Variants in PAPPA2 observed in about 807,000 individuals in gnomAD.
PAPPA2 encodes the protein pappalysin 2.
In PAPPA2, 86 loss-of-function variants were observed where a neutral mutation model predicts 176.4. The observed-to-expected ratio is 0.49, with a 90% confidence interval of 0.41 to 0.58. The LOEUF is 0.58. Among genes scored for constraint, PAPPA2 ranks in the 20% least tolerant of loss-of-function variants. PAPPA2 has a pLI of 0.00. For synonymous variants in PAPPA2, 809 were observed against 852.2 expected (o/e 0.95, Z 0.88); for missense variants, 2,073 against 2,256.9 (o/e 0.92, Z 1.65).
rs949619963 is a variant in PAPPA2, at chr1:176,844,639, G to A, written c.*2185G>A. 3.9e-5 allele frequency: 6 copies of A among 152,076 alleles called. No individual in the cohort carries two copies. Among genetic ancestry groups the A allele is most frequent in the Non-Finnish European group, 8.8e-5 (6 of 68,016 alleles). The allele number at this position is 152,076 out of a possible 1,614,324, so 9.4% of individuals were successfully genotyped here. On this transcript the variant is annotated 3_prime_UTR_variant, in exon 23 of 23. Coordinates refer to ENST00000367662, the MANE Select transcript of PAPPA2 (RefSeq NM_020318.3). ...TTGGGATTCTGATAGGCTTCAATATGCAAAGGACAATGGAAAAGTTTAGAC... is the reference window on the plus strand; with the variant it reads ...TTGGGATTCTGATAGGCTTCAATATACAAAGGACAATGGAAAAGTTTAGAC...
chr1:176,731,756 C>T lies in PAPPA2; in HGVS notation c.3799-7870C>T, dbSNP rs771783277. Among the ~76,000 whole-genome samples the T allele has an allele frequency of 3.1e-4, 46 of 149,304 alleles. No homozygotes were observed. The Middle Eastern group carries it at 0.011, about 35-fold the overall frequency. On this transcript the variant is annotated intron_variant, in intron 12 of 22. Transcript: ENST00000367662. ...ACATATACATGCGTACATATATATA[C>T]GCATACACATTGTGAAATGATTGCC... is the stretch of plus-strand genomic sequence containing the variant.
intron 4 of PAPPA2, among the ~76,000 whole-genome samples, chr1:176,672,274 G>C (rs1659052643): frequency 1.3e-5 from 2 of 151,908 alleles, no homozygotes; most frequent in Non-Finnish European, 2.9e-5. Flanking sequence ...TTTAAAATAA[G>C]TTACCAAAAT....
At chr1:176,781,026 G>T (rs1249162456) in intron 17 of PAPPA2, among the ~76,000 whole-genome samples, 2 of 152,266 alleles carry the variant, frequency 1.3e-5, no homozygotes, top group Non-Finnish European at 2.9e-5. Context: ...AGAAAAATCT[G>T]TTGGCTGCAT....
chr1:176,781,104 G>A lies in PAPPA2; in HGVS notation c.4716-8705G>A, dbSNP rs1664691090. 2.0e-5 allele frequency among the ~76,000 whole-genome samples: 3 copies of A among 152,170 alleles called. No homozygotes were observed. In the South Asian group the frequency reaches 6.2e-4, roughly 32 times the overall value. On this transcript the variant is annotated intron_variant, in intron 17 of 22. Transcript: ENST00000367662. ...GTTGAACTTGATGTGAGAGAGACGA[G>A]GAAAGGAGATGTAGATGATTAAGAC...
chr1:176,616,498 A>C, intron 3 of PAPPA2: 1 of 922,666 alleles, frequency 1.1e-6, no homozygotes, highest in Non-Finnish European at 1.7e-6. Flanking sequence ...GCAATATAAC[A>C]ACCAGGTTCT....
intron 2 of PAPPA2, among the ~76,000 whole-genome samples, chr1:176,559,053 T>C (rs1006213215): frequency 6.6e-6 from 1 of 152,278 alleles, no homozygotes; most frequent in African/African-American, 2.4e-5. Context: ...ACAGCATTTC[T>C]TGTGGCACCT....
intron 3 of PAPPA2, among the ~76,000 whole-genome samples, chr1:176,621,204 T>A (rs1332067383): frequency 6.6e-6 from 1 of 152,230 alleles, no homozygotes; most frequent in African/African-American, 2.4e-5. Context: ...GGACATCTGG[T>A]AATCATTGAT....
At position 176,595,100 on chromosome 1, in the gene PAPPA2, G is replaced by A. The variant is rs1395410151; in HGVS notation, c.1496G>A (p.Cys499Tyr). Reference sequence around the variant, plus strand: ...CTGTCGCCTTTGCAGCCCCCACTCTGTGGGCAAACAGTCTGTGACAATGTG... The same window carrying A: ...CTGTCGCCTTTGCAGCCCCCACTCTATGGGCAAACAGTCTGTGACAATGTG... ...EILSPLQPPL[C>Y]GQTVCDNVEL... is the part of the protein sequence containing the mutation. Residue 499 changes from cysteine to tyrosine, a missense_variant, in exon 3 of 23, where the codon TGT becomes TAT. This residue lies in a region of PAPPA2 where 1,196 missense variants were observed against 1,330.4 expected (regional missense o/e 0.90). Transcript: ENST00000367662. 5 of 1,614,138 alleles carry A rather than the reference G, an allele frequency of 3.1e-6. No individual in the cohort carries two copies. The highest frequency in any genetic ancestry group is 2.2e-5 in the South Asian group (2 of 91,084).
intron 12 of PAPPA2, among the ~76,000 whole-genome samples, chr1:176,738,101 G>GCCCTC (rs1180743460): frequency 3.9e-5 from 6 of 152,150 alleles, no homozygotes; most frequent in Non-Finnish European, 7.3e-5. Context: ...TGCTGGAGCT[G>GCCCTC]AGGGCATTGA....
At chr1:176,717,775 C>T (rs1325591103) in intron 12 of PAPPA2, among the ~76,000 whole-genome samples, 2 of 152,190 alleles carry the variant, frequency 1.3e-5, no homozygotes, top group Non-Finnish European at 2.9e-5. Context: ...TATATTAACT[C>T]ACATTAAACA....
At chr1:176,619,403 A>G (rs943559834) in intron 3 of PAPPA2, among the ~76,000 whole-genome samples, 1 of 152,184 alleles carries the variant, frequency 6.6e-6, no homozygotes, top group African/African-American at 2.4e-5. Context: ...TCAGGTGCCA[A>G]TTTTGACTGA....
intron 1 of PAPPA2, among the ~76,000 whole-genome samples, chr1:176,536,815 G>A (rs1336456656): frequency 6.6e-6 from 1 of 152,200 alleles, no homozygotes; most frequent in Non-Finnish European, 1.5e-5. Context: ...CCAGGAAAGA[G>A]TAAAGAATTG....
chr1:176,794,961 G>T (rs980592268), intron 20 of PAPPA2, among the ~76,000 whole-genome samples: 1 of 152,172 alleles, frequency 6.6e-6, no homozygotes, highest in Non-Finnish European at 1.5e-5. Context: ...GCCAGCCAAG[G>T]TGATTGAGCA....
chr1:176,735,132 CTTGAGGCTACTG>C (rs1662337395), intron 12 of PAPPA2, among the ~76,000 whole-genome samples: 2 of 152,150 alleles, frequency 1.3e-5, no homozygotes, highest in South Asian at 4.1e-4. Flanking sequence ...TCCTTTATAT[CTTGAGGCTACTG>C]TTGTTCAAAA....
chr1:176,816,241 G>GTA (rs3039819), intron 21 of PAPPA2, among the ~76,000 whole-genome samples: 15,945 of 113,382 alleles, frequency 0.14, 1,433 homozygotes, highest in Middle Eastern at 0.26. Flanking sequence ...GTGTGTGTGT[G>GTA]TATATATATA....
At chr1:176,579,702 C>G (rs1652854058) in intron 2 of PAPPA2, among the ~76,000 whole-genome samples, 1 of 152,146 alleles carries the variant, frequency 6.6e-6, no homozygotes. Context: ...GTAGAAAGAG[C>G]ATGGAGTTTT....
intron 3 of PAPPA2, among the ~76,000 whole-genome samples, chr1:176,638,939 CGTGTGTGTGTGTGTGTGT>C (rs34264749): frequency 3.5e-5 from 5 of 143,030 alleles, no homozygotes; most frequent in Admixed American, 2.8e-4. Context: ...TGTGCATGTG[CGTGTGTGTGTGTGTGTGT>C]GTGTGTGTGT....
At chr1:176,724,521 T>A (rs77092512) in intron 12 of PAPPA2, among the ~76,000 whole-genome samples, 4,395 of 152,308 alleles carry the variant, frequency 0.029, 101 homozygotes, top group South Asian at 0.13. Context: ...CAATTTGGAA[T>A]GGTCTCGTTC....
At chr1:176,613,607 C>T (rs932836763) in intron 3 of PAPPA2, among the ~76,000 whole-genome samples, 7 of 152,172 alleles carry the variant, frequency 4.6e-5, no homozygotes, top group Admixed American at 1.3e-4. Context: ...TTTTGAGGCT[C>T]AGAAGGAGAA....
Sources: allele counts gnomAD v4.1 joint callset (sites outside exome capture counted in the v4.1 genomes callset), GRCh38; gene constraint gnomAD v4.1.1; regional missense constraint gnomAD v4.1.1; transcripts MANE v1.5; gene names NCBI Gene and HGNC (gene_info 2026-07-23, HGNC 2026-07-21).